Variants in ATP2B4 observed in about 807,000 individuals in gnomAD.
ATP2B4 encodes ATPase plasma membrane Ca2+ transporting 4.
ATP2B4 carries 39 observed loss-of-function variants against 110.3 expected under a neutral mutation model. The observed-to-expected ratio is 0.35, with a 90% confidence interval of 0.27 to 0.46. ATP2B4 has a LOEUF of 0.46. Among genes scored for constraint, ATP2B4 ranks in the 20% least tolerant of loss-of-function variants. The probability of loss-of-function intolerance (pLI) is 1.00; values close to 1 mark genes in which losing one functional copy is unlikely to be tolerated. For synonymous variants in ATP2B4, 538 were observed against 571.7 expected (o/e 0.94, Z 0.84); for missense variants, 1,135 against 1,530.9 (o/e 0.74, Z 4.32).
intron 13 of ATP2B4, among the ~76,000 whole-genome samples, chr1:203,712,884 C>A (rs1666053514): frequency 6.6e-6 from 1 of 152,118 alleles, no homozygotes; most frequent in South Asian, 2.1e-4. Context: ...ACAGCCAACC[C>A]TGGCCCACCT....
intron 20 of ATP2B4, among the ~76,000 whole-genome samples, chr1:203,730,378 A>G (rs1344962272): frequency 6.6e-6 from 1 of 152,064 alleles, no homozygotes; most frequent in Non-Finnish European, 1.5e-5. Flanking sequence ...CCAGGCATCC[A>G]GAATCCCCAC....
Position 203,721,422 on chromosome 1 carries a change from TG to T in ATP2B4, c.2812+17del. On this transcript the variant is annotated intron_variant, in intron 17 of 20. Coordinates refer to ENST00000357681, the MANE Select transcript of ATP2B4 (RefSeq NM_001684.5). ...CCTTGTCTTTGCGGGTGAGCCACTT[TG>T]GGGGTGGGTAGCAGCTGGGGTCCTG... 1 of 1,612,724 alleles carries T rather than the reference TG, an allele frequency of 6.2e-7. No homozygotes were observed. The highest frequency in any genetic ancestry group is 1.7e-4 in the Middle Eastern group (1 of 6,042).
At chr1:203,662,170 C>T (rs1664358291) in intron 1 of ATP2B4, among the ~76,000 whole-genome samples, 1 of 152,062 alleles carries the variant, frequency 6.6e-6, no homozygotes, top group Middle Eastern at 3.2e-3. Flanking sequence ...ACTGCAGGTG[C>T]CTGCCACCAC....
rs1667029792 is a variant in ATP2B4 at position 203,743,321 on chromosome 1, G to C, written c.*3467G>C. 6.6e-6 allele frequency: 1 copy of C among 152,580 alleles called. No homozygotes were observed. Among genetic ancestry groups the C allele is most frequent in the African/African-American group, 2.4e-5 (1 of 41,416 alleles). The allele number at this position is 152,580 out of a possible 1,614,324, so 9.5% of individuals were successfully genotyped here. A position where few individuals can be genotyped will look rare whatever the true frequency, so the allele number is the denominator to read the frequency against. On this transcript the variant is annotated 3_prime_UTR_variant, in exon 21 of 21. Coordinates refer to ENST00000357681, the MANE Select transcript of ATP2B4 (RefSeq NM_001684.5). ...GAGACTTCCTCACCTTTCATATCTA[G>C]GGACCACCCCCGATGCATTGGTGAG...
rs927942556 is a variant in ATP2B4 at position 203,709,550 on chromosome 1, C to T, written c.1799+8C>T. 1.9e-6 allele frequency: 3 copies of T among 1,613,824 alleles called. No individual in the cohort carries two copies. The highest frequency in any genetic ancestry group is 1.3e-5 in the African/African-American group (1 of 74,926). On this transcript the variant is annotated splice_region_variant and intron_variant, in intron 11 of 20. Coordinates refer to ENST00000357681, the MANE Select transcript of ATP2B4 (RefSeq NM_001684.5). ...TGAGATCATCTTGCGCAAGTGAGCA[C>T]CCCCGACCACTCTGCTTCCCTTCAA...
chr1:203,709,670 T>G, intron 11 of ATP2B4, 128 bp downstream of exon 11: 1 of 1,438,796 alleles, frequency 7.0e-7, no homozygotes, highest in Non-Finnish European at 9.4e-7. Context: ...ATAACTAATA[T>G]CCAAGCGTCT....
intron 1 of ATP2B4, among the ~76,000 whole-genome samples, chr1:203,664,815 C>T (rs1202842282): frequency 6.6e-6 from 1 of 152,120 alleles, no homozygotes; most frequent in African/African-American, 2.4e-5. Flanking sequence ...CCTGCTAGTC[C>T]TTAAGGTACT....
intron 2 of ATP2B4, among the ~76,000 whole-genome samples, chr1:203,684,123 A>G (rs572663501): frequency 6.6e-6 from 1 of 152,066 alleles, no homozygotes; most frequent in Non-Finnish European, 1.5e-5. Context: ...TCTTCCCTAC[A>G]CTGATCTTAC....
intron 1 of ATP2B4, among the ~76,000 whole-genome samples, chr1:203,655,991 G>A (rs1162693015): frequency 2.0e-5 from 3 of 151,678 alleles, no homozygotes; most frequent in African/African-American, 7.3e-5. Flanking sequence ...TGCAACCTTC[G>A]CCTCCTGGGT....
intron 8 of ATP2B4, 117 bp from the exon 9 acceptor site, chr1:203,706,891 TG>T: frequency 1.3e-6 from 1 of 797,302 alleles, no homozygotes; most frequent in African/African-American, 1.7e-5. Context: ...TAAGTCTTCC[TG>T]GCGATGGTGG....
At chr1:203,712,299 T>C (rs985219022) in intron 13 of ATP2B4, among the ~76,000 whole-genome samples, 160 bp downstream of exon 13, 7 of 152,042 alleles carry the variant, frequency 4.6e-5, no homozygotes, top group Non-Finnish European at 1.0e-4. Flanking sequence ...TATGGTAACA[T>C]TGGGAGTTGC....
intron 20 of ATP2B4, among the ~76,000 whole-genome samples, chr1:203,737,997 T>G (rs1216215945): frequency 6.6e-6 from 1 of 152,206 alleles, no homozygotes; most frequent in Non-Finnish European, 1.5e-5. Context: ...AACCAGTTTA[T>G]TTGGCTGACT....
Position 203,723,757 on chromosome 1 carries a change from A to C in ATP2B4, c.3025-124A>C. The C allele has an allele frequency of 4.2e-6, 3 of 710,834 alleles. No individual in the cohort carries two copies. The South Asian group carries it at 6.5e-5, about 15-fold the overall frequency. The allele number at this position is 710,834 out of a possible 1,614,324, so 44.0% of individuals were successfully genotyped here. Reference sequence around the variant, plus strand: ...TCTTCTTTTCCCTTCCCCTGCAAGCAAATCGGGACTTGTACCCAAGGATCC... The same window carrying C: ...TCTTCTTTTCCCTTCCCCTGCAAGCCAATCGGGACTTGTACCCAAGGATCC... On this transcript the variant is annotated intron_variant, in intron 18 of 20. Coordinates refer to ENST00000357681, the MANE Select transcript of ATP2B4 (RefSeq NM_001684.5).
intron 2 of ATP2B4, among the ~76,000 whole-genome samples, chr1:203,690,853 G>A (rs2102373085): frequency 6.6e-6 from 1 of 152,308 alleles, no homozygotes; most frequent in South Asian, 2.1e-4. Context: ...CACGATGTGA[G>A]AAGGACTCAA....
chr1:203,707,756 T>G, intron 9 of ATP2B4, 106 bp from the exon 10 acceptor site: 1 of 1,470,460 alleles, frequency 6.8e-7, no homozygotes, highest in Non-Finnish European at 9.3e-7. Flanking sequence ...TGTGTGGGAC[T>G]GGAAGATGAA....
At chr1:203,692,375 T>C (rs1171861699) in intron 2 of ATP2B4, among the ~76,000 whole-genome samples, 1 of 152,094 alleles carries the variant, frequency 6.6e-6, no homozygotes, top group Non-Finnish European at 1.5e-5. Flanking sequence ...GACAGAATCT[T>C]TCCGTATTGC....
chr1:203,666,868 C>T (rs910420906), intron 1 of ATP2B4, among the ~76,000 whole-genome samples: 1 of 152,184 alleles, frequency 6.6e-6, no homozygotes, highest in African/African-American at 2.4e-5. Flanking sequence ...ACAACCTGGC[C>T]TAAGAAGCCA....
rs1468770113 is a variant in ATP2B4 at position 203,629,501 on chromosome 1, G to C, written c.-465+2282G>C. On this transcript the variant is annotated intron_variant, in intron 1 of 20. Transcript: ENST00000357681. The surrounding 1 kb of genome is among the most constrained non-coding windows in gnomAD (Gnocchi z 4.6). ...GTGAGGTCGTTATTTAGCGCGCACC[G>C]GGTCGCCTGAGCCCGGGGTCGCGGC... Among the ~76,000 whole-genome samples the C allele has an allele frequency of 6.6e-6, 1 of 152,142 alleles. No homozygotes were observed. The highest frequency in any genetic ancestry group is 1.5e-5 in the Non-Finnish European group (1 of 68,006).
intron 2 of ATP2B4, among the ~76,000 whole-genome samples, chr1:203,688,413 C>T (rs1665265658): frequency 6.6e-6 from 1 of 151,988 alleles, no homozygotes; most frequent in Non-Finnish European, 1.5e-5. Flanking sequence ...GTCCTCCCAC[C>T]TTAGCCTCCT....
Sources: gnomAD v4.1 joint callset for allele counts (sites outside exome capture counted in the v4.1 genomes callset) on GRCh38, gnomAD v4.1.1 for gene constraint, Gnocchi (gnomAD v3.1) non-coding constraint, MANE v1.5 for transcripts, NCBI Gene and HGNC (gene_info 2026-07-23, HGNC 2026-07-21) for gene names.